The following MLIP variants were observed in gnomAD, a reference collection of about 807,000 sequenced individuals.
MLIP encodes the protein muscular LMNA-interacting protein.
MLIP carries 79 observed loss-of-function variants against 84.8 expected under a neutral mutation model. That is an observed-to-expected ratio of 0.93 (90% CI 0.78 to 1.12). MLIP has a LOEUF of 1.12. Among genes scored for constraint, MLIP ranks in the 50% most tolerant of loss-of-function variants. The pLI is 0.00. For missense variants in MLIP, 1,257 were observed against 1,160.6 expected (o/e 1.08, Z -1.21); for synonymous variants, 504 against 463.0 (o/e 1.09, Z -1.14).
chr6:54,236,731 A>G (rs573376745), intron 12 of MLIP, among the ~76,000 whole-genome samples: 1 of 152,284 alleles, frequency 6.6e-6, no homozygotes, highest in South Asian at 2.1e-4. Flanking sequence ...GGGCTTTCTA[A>G]TGTTCCTATG....
intron 1 of MLIP, among the ~76,000 whole-genome samples, chr6:54,024,578 AC>A (rs2150267548): frequency 6.6e-6 from 1 of 152,330 alleles, no homozygotes; most frequent in Non-Finnish European, 1.5e-5. Context: ...AAGACAGAGT[AC>A]TAAGGGCTGC....
At chr6:54,260,485 T>C (rs1481979163) in intron 13 of MLIP, among the ~76,000 whole-genome samples, 1 of 152,052 alleles carries the variant, frequency 6.6e-6, no homozygotes, top group Non-Finnish European at 1.5e-5. Context: ...CTTCAGATTA[T>C]TCAAATATGC....
At chr6:54,162,860 C>T (rs898171434) in intron 8 of MLIP, among the ~76,000 whole-genome samples, 5 of 151,718 alleles carry the variant, frequency 3.3e-5, no homozygotes, top group Non-Finnish European at 7.4e-5. Context: ...GTACAGAGTT[C>T]CAAGGAACAT....
intron 12 of MLIP, among the ~76,000 whole-genome samples, chr6:54,254,596 C>T (rs1028331393): frequency 1.1e-4 from 16 of 152,038 alleles, no homozygotes; most frequent in African/African-American, 3.9e-4. Context: ...AGTTTTTCTT[C>T]CTTAATCAAC....
intron 9 of MLIP, among the ~76,000 whole-genome samples, chr6:54,188,997 G>T (rs1224608348): frequency 6.6e-5 from 10 of 152,164 alleles, no homozygotes; most frequent in Admixed American, 6.5e-4. Context: ...CGTCCAGTTG[G>T]ACTGTCACTC....
At chr6:54,037,765 GT>G (rs947928077) in intron 1 of MLIP, among the ~76,000 whole-genome samples, 1 of 151,922 alleles carries the variant, frequency 6.6e-6, no homozygotes, top group African/African-American at 2.4e-5. Flanking sequence ...AGGATAGTGA[GT>G]AATGGTAAAA....
chr6:54,093,383 C>G lies in MLIP; in HGVS notation c.64-28064C>G, dbSNP rs542660619. 2.4e-3 allele frequency among the ~76,000 whole-genome samples: 367 copies of G among 150,228 alleles called. 11 individuals are homozygous for G. The highest frequency in any genetic ancestry group is 2.1e-4 in the Non-Finnish European group (14 of 67,448). On this transcript the variant is annotated intron_variant, in intron 1 of 12. Coordinates refer to the MLIP transcript ENST00000274897. ...CTATTCTATTCTATTCTATTCTATT[C>G]TATTCTATTCTTCTTTTATCTAATT...
chr6:54,076,826 G>A (rs1466859397), intron 1 of MLIP, among the ~76,000 whole-genome samples: 1 of 152,006 alleles, frequency 6.6e-6, no homozygotes, highest in East Asian at 1.9e-4. Context: ...TTAGGTCAAT[G>A]TTTTCTAGGG....
intron 1 of MLIP, among the ~76,000 whole-genome samples, chr6:54,078,378 G>A (rs1465754753): frequency 1.3e-5 from 2 of 152,146 alleles, no homozygotes; most frequent in African/African-American, 2.4e-5. Flanking sequence ...GATCGCTTGA[G>A]CCCAAGAGCT....
At chr6:54,141,325 T>TTTTTTTTTA (rs1772282980) in intron 4 of MLIP, among the ~76,000 whole-genome samples, 8 of 151,140 alleles carry the variant, frequency 5.3e-5, no homozygotes, top group African/African-American at 2.0e-4. Context: ...TTTTTTTTTT[T>TTTTTTTTTA]GAGACACGTC....
In MLIP at chr6:54,026,823, G is replaced by C. The variant is rs761362030; in HGVS notation, c.63+7732G>C. The stretch of plus-strand genomic sequence containing the variant: ...AACTAGTATGGTGAGGAGCATGTTA[G>C]ATCTGATTCCAGGAGACTGGTAGGT... On this transcript the variant is annotated intron_variant, in intron 1 of 12. Coordinates refer to the MLIP transcript ENST00000274897. 3.7e-4 allele frequency among the ~76,000 whole-genome samples: 57 copies of C among 152,150 alleles called. No homozygotes were observed. The Middle Eastern group carries it at 0.014, about 36-fold the overall frequency.
intron 1 of MLIP, among the ~76,000 whole-genome samples, chr6:54,095,335 G>A (rs1205218052): frequency 2.6e-5 from 4 of 152,150 alleles, no homozygotes; most frequent in Admixed American, 6.5e-5. Context: ...CTACTCAGAA[G>A]GAGTCAGGAC....
chr6:54,263,545 T>C (rs1266357689), intron 13 of MLIP, among the ~76,000 whole-genome samples: 5 of 152,068 alleles, frequency 3.3e-5, no homozygotes. Context: ...CAAGAACACA[T>C]GTGTAGGTTA....
intron 1 of MLIP, among the ~76,000 whole-genome samples, chr6:54,097,552 T>C (rs533986217): frequency 2.6e-5 from 4 of 152,182 alleles, no homozygotes; most frequent in Non-Finnish European, 5.9e-5. Flanking sequence ...GACAAAATAA[T>C]AAAAAAGCTA....
chr6:54,026,010 T>C (rs1407765290), intron 1 of MLIP, among the ~76,000 whole-genome samples: 1 of 152,150 alleles, frequency 6.6e-6, no homozygotes, highest in Admixed American at 6.5e-5. Context: ...ATAAAACAGA[T>C]GGGTGGTAGA....
At chr6:54,128,518 T>C (rs1486138071) in intron 3 of MLIP, among the ~76,000 whole-genome samples, 4 of 152,054 alleles carry the variant, frequency 2.6e-5, no homozygotes, top group Non-Finnish European at 4.4e-5. Flanking sequence ...GAGGAGTCTA[T>C]AGTAGAATAT....
chr6:54,162,677 G>C (rs1266159047), intron 8 of MLIP, among the ~76,000 whole-genome samples: 1 of 151,932 alleles, frequency 6.6e-6, no homozygotes, highest in Non-Finnish European at 1.5e-5. Context: ...GCAGGTCTCT[G>C]TTTTGAGGAT....
chr6:54,227,144 G>A (rs553913705), intron 11 of MLIP, among the ~76,000 whole-genome samples: 32 of 152,216 alleles, frequency 2.1e-4, no homozygotes, highest in African/African-American at 6.7e-4. Flanking sequence ...CTCCTGCTCC[G>A]CCATGGTAAG....
chr6:54,110,043 C>T (rs1443444788), upstream of MLIP, among the ~76,000 whole-genome samples: 7 of 145,778 alleles, frequency 4.8e-5, no homozygotes, highest in African/African-American at 1.3e-4. Flanking sequence ...AGTGCAGTGG[C>T]GCGATATTGG....
Sources: allele counts gnomAD v4.1 joint callset (sites outside exome capture counted in the v4.1 genomes callset), GRCh38; gene constraint gnomAD v4.1.1; transcripts MANE v1.5; gene names NCBI Gene and HGNC (gene_info 2026-07-23, HGNC 2026-07-21).